Variants in GRM7 observed in about 807,000 individuals in gnomAD.
The protein encoded by GRM7 is glutamate metabotropic receptor 7.
In GRM7, 35 loss-of-function variants were observed where a neutral mutation model predicts 84.5. That is an observed-to-expected ratio of 0.41 (90% CI 0.32 to 0.55). The LOEUF is 0.55. Among genes scored for constraint, GRM7 ranks in the 20% least tolerant of loss-of-function variants. The pLI is 0.19. For synonymous variants in GRM7, 487 were observed against 455.1 expected (o/e 1.07, Z -0.89); for missense variants, 1,003 against 1,194.6 (o/e 0.84, Z 2.36).
intron 4 of GRM7, among the ~76,000 whole-genome samples, chr3:7,400,713 C>G (rs1429785985): frequency 2.0e-5 from 3 of 152,134 alleles, no homozygotes; most frequent in Admixed American, 6.5e-5. Context: ...AATCCTGTAA[C>G]TTTCATAGGC....
chr3:7,032,078 C>T (rs1696209307), intron 1 of GRM7, among the ~76,000 whole-genome samples: 1 of 152,202 alleles, frequency 6.6e-6, no homozygotes, highest in African/African-American at 2.4e-5. Context: ...TATCCTAAAA[C>T]ACGTCAAAGA....
rs1014239962 is a variant in GRM7, at chr3:7,740,995, T to C, written c.*589T>C. On this transcript the variant is annotated 3_prime_UTR_variant, in exon 10 of 10. Transcript: ENST00000357716. ...TGTATAATTACGATTATAGTACCAC[T>C]GCACATCATGTTTTTTTTTTTAAGA... The C allele has an allele frequency of 1.3e-5, 2 of 149,170 alleles. No homozygotes were observed. The highest frequency in any genetic ancestry group is 5.1e-5 in the African/African-American group (2 of 39,582). 9.2% of individuals were successfully genotyped at this position (149,170 alleles called of 1,614,324 possible).
intron 7 of GRM7, among the ~76,000 whole-genome samples, chr3:7,544,741 T>A (rs1319745177): frequency 6.6e-6 from 1 of 152,234 alleles, no homozygotes; most frequent in Non-Finnish European, 1.5e-5. Context: ...TTCTTTACTT[T>A]TTTTCAATAC....
intron 4 of GRM7, among the ~76,000 whole-genome samples, chr3:7,403,815 G>C (rs1300149947): frequency 6.6e-6 from 1 of 151,072 alleles, no homozygotes; most frequent in Non-Finnish European, 1.5e-5. Flanking sequence ...ATAAGAATAT[G>C]TGTGTGTGGA....
chr3:6,883,189 A>G (rs1160233123), intron 1 of GRM7, among the ~76,000 whole-genome samples: 2 of 152,074 alleles, frequency 1.3e-5, no homozygotes, highest in Non-Finnish European at 2.9e-5. Context: ...TAATGTATTT[A>G]TTGACTGTTT....
intron 2 of GRM7, among the ~76,000 whole-genome samples, chr3:7,292,928 G>T (rs565532914): frequency 1.3e-5 from 2 of 151,524 alleles, no homozygotes; most frequent in East Asian, 3.9e-4. Context: ...CAGTTGCTCG[G>T]GGGGCCAAGG....
At chr3:7,101,479 A>G (rs867783912) in intron 1 of GRM7, among the ~76,000 whole-genome samples, 2 of 151,542 alleles carry the variant, frequency 1.3e-5, no homozygotes, top group South Asian at 4.2e-4. Context: ...TTATATTTAA[A>G]GTGCATATCC....
chr3:7,034,243 G>C (rs955427044), intron 1 of GRM7, among the ~76,000 whole-genome samples: 7 of 151,906 alleles, frequency 4.6e-5, no homozygotes, highest in Admixed American at 1.3e-4. Flanking sequence ...AGGAAAAACA[G>C]CTTTTCTGAT....
At chr3:7,650,543 C>A (rs1293641607) in intron 8 of GRM7, among the ~76,000 whole-genome samples, 1 of 152,146 alleles carries the variant, frequency 6.6e-6, no homozygotes, top group African/African-American at 2.4e-5. Flanking sequence ...ATTTACCTTG[C>A]AGAAGGAATT....
At chr3:6,985,108 T>C (rs989487563) in intron 1 of GRM7, among the ~76,000 whole-genome samples, 1 of 152,168 alleles carries the variant, frequency 6.6e-6, no homozygotes, top group Non-Finnish European at 1.5e-5. Context: ...ATAGTAGACA[T>C]ATATACTTAT....
chr3:7,491,797 A>C (rs1699527273), intron 7 of GRM7, among the ~76,000 whole-genome samples: 3 of 152,224 alleles, frequency 2.0e-5, no homozygotes, highest in Admixed American at 1.3e-4. Flanking sequence ...GCATGGAAAC[A>C]CTGGATATGG....
intron 7 of GRM7, among the ~76,000 whole-genome samples, chr3:7,536,198 T>C (rs1454323511): frequency 6.6e-6 from 1 of 152,172 alleles, no homozygotes; most frequent in African/African-American, 2.4e-5. Context: ...AATTTGGGTT[T>C]CCGAATAAGT....
intron 7 of GRM7, among the ~76,000 whole-genome samples, chr3:7,473,219 G>C (rs946869132): frequency 7.9e-5 from 12 of 152,128 alleles, no homozygotes; most frequent in Non-Finnish European, 1.8e-4. Context: ...TGTAATCCTA[G>C]CACTTTGGGA....
intron 2 of GRM7, among the ~76,000 whole-genome samples, chr3:7,217,289 T>G (rs113712514): frequency 5.9e-5 from 9 of 152,300 alleles, no homozygotes; most frequent in African/African-American, 1.9e-4. Context: ...CACTAAAGTG[T>G]GTACTGACTG....
At chr3:7,393,027 C>T (rs755305241) in intron 4 of GRM7, among the ~76,000 whole-genome samples, 3 of 152,016 alleles carry the variant, frequency 2.0e-5, no homozygotes, top group Non-Finnish European at 4.4e-5. Context: ...CACCTTGGGC[C>T]GAGACCAGAG....
At chr3:7,250,302 C>T (rs991156283) in intron 2 of GRM7, among the ~76,000 whole-genome samples, 22 of 151,752 alleles carry the variant, frequency 1.4e-4, no homozygotes, top group African/African-American at 5.1e-4. Flanking sequence ...TTATTGGGAG[C>T]CAGAGGTTAT....
At chr3:7,371,428 A>C (rs1178153277) in intron 4 of GRM7, among the ~76,000 whole-genome samples, 1 of 152,194 alleles carries the variant, frequency 6.6e-6, no homozygotes. Flanking sequence ...AATAGATAAT[A>C]ATTGTAATAG....
At chr3:7,020,619 C>A (rs1252484953) in intron 1 of GRM7, among the ~76,000 whole-genome samples, 1 of 152,158 alleles carries the variant, frequency 6.6e-6, no homozygotes, top group African/African-American at 2.4e-5. Context: ...AAAGATATCA[C>A]AATTCGAATG....
intron 2 of GRM7, among the ~76,000 whole-genome samples, chr3:7,163,211 A>G (rs1477812816): frequency 6.6e-6 from 1 of 152,218 alleles, no homozygotes; most frequent in Non-Finnish European, 1.5e-5. Context: ...GAGCCAGACC[A>G]TGTGAATGGT....
Sources: gnomAD v4.1 joint callset for allele counts (sites outside exome capture counted in the v4.1 genomes callset) on GRCh38, gnomAD v4.1.1 for gene constraint, MANE v1.5 for transcripts, NCBI Gene and HGNC (gene_info 2026-07-23, HGNC 2026-07-21) for gene names.